LDB2: variants seen among roughly 807,000 people sequenced by gnomAD.
The protein encoded by LDB2 is LIM domain-binding protein 2.
A neutral mutation model predicts 44.3 loss-of-function variants in LDB2; 12 were observed. That is an observed-to-expected ratio of 0.27 (90% CI 0.17 to 0.44). The LOEUF is 0.44. Among genes scored for constraint, LDB2 ranks in the 20% least tolerant of loss-of-function variants. LDB2 has a pLI of 1.00. For synonymous variants in LDB2, 164 were observed against 174.8 expected (o/e 0.94, Z 0.49); for missense variants, 344 against 473.5 (o/e 0.73, Z 2.54).
chr4:16,793,659 T>C (rs1776194658), intron 1 of LDB2, among the ~76,000 whole-genome samples: 1 of 152,184 alleles, frequency 6.6e-6, no homozygotes, highest in South Asian at 2.1e-4. Context: ...TTTCACCAAT[T>C]ATTACTAAGG....
At chr4:16,771,678 A>G (rs1770729123) in intron 1 of LDB2, among the ~76,000 whole-genome samples, 2 of 152,102 alleles carry the variant, frequency 1.3e-5, no homozygotes, top group African/African-American at 4.8e-5. Context: ...CACACCTCCA[A>G]TCTGTCAGCA....
intron 2 of LDB2, among the ~76,000 whole-genome samples, chr4:16,653,249 G>C (rs1038650920): frequency 6.6e-6 from 1 of 151,960 alleles, no homozygotes; most frequent in Non-Finnish European, 1.5e-5. Flanking sequence ...TCATTTTTTG[G>C]CTTCTGCTAA....
intron 2 of LDB2, among the ~76,000 whole-genome samples, chr4:16,672,602 G>A (rs1411844917): frequency 1.3e-5 from 2 of 152,178 alleles, no homozygotes; most frequent in Non-Finnish European, 2.9e-5. Flanking sequence ...TGTTTAGGCA[G>A]CAGCTACAGC....
intron 1 of LDB2, among the ~76,000 whole-genome samples, chr4:16,803,918 C>A (rs370768879): frequency 5.3e-5 from 8 of 152,090 alleles, no homozygotes; most frequent in African/African-American, 1.7e-4. Context: ...TCAAATCAGC[C>A]AGGTTTTGAG....
chr4:16,623,100 T>C (rs1460529682), intron 2 of LDB2, among the ~76,000 whole-genome samples: 2 of 152,118 alleles, frequency 1.3e-5, no homozygotes, highest in Admixed American at 6.5e-5. Context: ...ATCCAGCCAA[T>C]TTCCTGGAAT....
At chr4:16,588,066 C>G (rs1357745159) in intron 4 of LDB2, among the ~76,000 whole-genome samples, 1 of 113,868 alleles carries the variant, frequency 8.8e-6, no homozygotes, top group Admixed American at 1.1e-4. Context: ...TAAGTTGATG[C>G]CTTTGACGAC....
intron 5 of LDB2, among the ~76,000 whole-genome samples, chr4:16,516,863 C>T (rs1324633620): frequency 3.3e-5 from 5 of 152,178 alleles, no homozygotes; most frequent in South Asian, 2.1e-4. Context: ...TCCCCAAAGT[C>T]ATTTTTCTTC....
At chr4:16,634,755 T>G (rs750719948) in intron 2 of LDB2, among the ~76,000 whole-genome samples, 4 of 152,218 alleles carry the variant, frequency 2.6e-5, no homozygotes, top group Non-Finnish European at 5.9e-5. Context: ...GATCTAGAAC[T>G]AGAAATACCA....
intron 5 of LDB2, among the ~76,000 whole-genome samples, chr4:16,520,867 C>T (rs1725821753): frequency 1.3e-5 from 2 of 152,154 alleles, no homozygotes; most frequent in South Asian, 2.1e-4. Flanking sequence ...ATGAAGAGAC[C>T]ATTCAAGGCC....
intron 2 of LDB2, among the ~76,000 whole-genome samples, chr4:16,723,597 C>G (rs1402805380): frequency 6.6e-6 from 1 of 152,098 alleles, no homozygotes; most frequent in African/African-American, 2.4e-5. Context: ...CATGAACTCA[C>G]CCCATCTTAT....
chr4:16,879,378 G>A (rs1346832256), intron 1 of LDB2, among the ~76,000 whole-genome samples: 2 of 152,204 alleles, frequency 1.3e-5, no homozygotes, highest in Non-Finnish European at 2.9e-5. Context: ...GGGTATGTCT[G>A]TGAAGGTGTT....
intron 5 of LDB2, among the ~76,000 whole-genome samples, chr4:16,523,384 G>A (rs576589545): frequency 5.9e-5 from 9 of 152,160 alleles, no homozygotes; most frequent in African/African-American, 2.2e-4. Flanking sequence ...GTCACTTCAG[G>A]ACTCTTTTTC....
chr4:16,518,126 C>T (rs1437903408), intron 5 of LDB2, among the ~76,000 whole-genome samples: 1 of 152,194 alleles, frequency 6.6e-6, no homozygotes, highest in Non-Finnish European at 1.5e-5. Flanking sequence ...CCCAGGATTC[C>T]TGCCTTTTCA....
intron 1 of LDB2, among the ~76,000 whole-genome samples, chr4:16,801,771 G>T (rs1156297929): frequency 1.3e-5 from 2 of 152,096 alleles, no homozygotes; most frequent in Non-Finnish European, 2.9e-5. Context: ...TTATTTAAAA[G>T]GAAGAAAGAA....
chr4:16,793,193 G>T (rs1322208452), intron 1 of LDB2, among the ~76,000 whole-genome samples: 1 of 152,150 alleles, frequency 6.6e-6, no homozygotes, highest in Non-Finnish European at 1.5e-5. Context: ...GCTGAAAATT[G>T]GTATACGCGT....
chr4:16,706,751 C>T (rs1754700814), intron 2 of LDB2, among the ~76,000 whole-genome samples: 1 of 152,152 alleles, frequency 6.6e-6, no homozygotes, highest in African/African-American at 2.4e-5. Flanking sequence ...CAGGTGATAG[C>T]TGGCTGTATT....
intron 1 of LDB2, among the ~76,000 whole-genome samples, chr4:16,828,682 A>G (rs568425119): frequency 6.6e-6 from 1 of 151,702 alleles, no homozygotes; most frequent in African/African-American, 2.4e-5. Context: ...AGAAACTTCC[A>G]TTTTAGAATT....
rs1394205721 is a variant in LDB2, at chr4:16,739,585, A to T, written c.235+19573T>A. 3.0e-3 allele frequency among the ~76,000 whole-genome samples: 235 copies of T among 77,236 alleles called. 38 individuals are homozygous for T. The highest frequency in any genetic ancestry group is 0.02 in the South Asian group (50 of 2,472). The allele number at this position is 77,236 out of a possible 152,430, so 50.7% of individuals were successfully genotyped here. On this transcript the variant is annotated intron_variant, in intron 2 of 7. Transcript: ENST00000304523. ...TCGGTGACAGAGGGAAAAAAAAAAA[A>T]AAAAATATATATATATATATATATG... is the stretch of plus-strand genomic sequence containing the variant.
intron 2 of LDB2, among the ~76,000 whole-genome samples, chr4:16,635,837 G>C (rs1388481569): frequency 6.6e-6 from 1 of 152,266 alleles, no homozygotes; most frequent in East Asian, 1.9e-4. Context: ...CCTTTGGAAA[G>C]AGTCAATATG....
Sources: allele counts gnomAD v4.1 joint callset (sites outside exome capture counted in the v4.1 genomes callset), GRCh38; gene constraint gnomAD v4.1.1; transcripts MANE v1.5; gene names NCBI Gene and HGNC (gene_info 2026-07-23, HGNC 2026-07-21).